HECTD4: variants seen among roughly 807,000 people sequenced by gnomAD.
The protein encoded by HECTD4 is probable E3 ubiquitin-protein ligase HECTD4.
Under a neutral mutation model 471.5 loss-of-function variants are expected in HECTD4, and 114 were observed. The observed-to-expected ratio is 0.24, with a 90% confidence interval of 0.21 to 0.28. The LOEUF (loss-of-function observed/expected upper bound fraction) is 0.28, where lower values mean the gene tolerates loss of function less well. HECTD4 is among the 10% of genes least tolerant of loss of function. The pLI is 1.00. For missense variants in HECTD4, 3,866 were observed against 5,651.5 expected, an observed-to-expected ratio of 0.68 and a Z score of 10.13; for synonymous variants, 2,012 against 2,256.0, an observed-to-expected ratio of 0.89 and a Z score of 3.07.
intron 1 of HECTD4, among the ~76,000 whole-genome samples, chr12:112,370,804 C>A (rs1234026656): frequency 2.0e-5 from 3 of 152,132 alleles, no homozygotes; most frequent in African/African-American, 7.2e-5. Flanking sequence ...TTAATAGATA[C>A]ATAAGCTGTG....
Position 112,258,510 on chromosome 12 carries a change from C to T in HECTD4, c.3114G>A (p.Leu1038=). The T allele has an allele frequency of 1.3e-6, 2 of 1,591,502 alleles. No homozygotes were observed. The highest frequency in any genetic ancestry group is 8.5e-7 in the Non-Finnish European group (1 of 1,171,304). Residue 1038 remains leucine, a synonymous_variant, in exon 20 of 76, where the codon CTG becomes CTA. Transcript: ENST00000682272. The part of the protein sequence containing the change: ...PCGAPDQKCR[L]FPDERMLEEK... ...GCATTCATTACCTCTCATCAGGGAA[C>T]AGCCTGCACTTCTGGTCTGGTGCAC...
Position 112,256,325 on chromosome 12 carries a change from CAT to C in HECTD4, c.3320_3321del (p.Tyr1107Ter). 1 of 1,592,728 alleles carries C rather than the reference CAT, an allele frequency of 6.3e-7. No homozygotes were observed. The highest frequency in any genetic ancestry group is 8.5e-7 in the Non-Finnish European group (1 of 1,171,338). On this transcript the variant is annotated frameshift_variant, in exon 21 of 76. Coordinates refer to ENST00000682272, the MANE Select transcript of HECTD4 (RefSeq NM_001388303.1). LOFTEE classifies it high-confidence loss of function. ...FDSRCSSQYD[Y>X]DKLVIYAGPN... Reference sequence around the variant, plus strand: ...GTAACCCAGTTCTTACTTACTTTGTCATAGTCATATTGCGAAGAGCATCTGCT... The same window carrying C: ...GTAACCCAGTTCTTACTTACTTTGTCAGTCATATTGCGAAGAGCATCTGCT...
chr12:112,374,144 C>T (rs1203339823), intron 1 of HECTD4, among the ~76,000 whole-genome samples: 1 of 151,938 alleles, frequency 6.6e-6, no homozygotes, highest in Non-Finnish European at 1.5e-5. Flanking sequence ...CACAACCAGC[C>T]TGAGCAACAC....
At chr12:112,254,421 C>T (rs1190563835) in intron 21 of HECTD4, among the ~76,000 whole-genome samples, 5 of 152,126 alleles carry the variant, frequency 3.3e-5, no homozygotes, top group African/African-American at 7.2e-5. Flanking sequence ...TATTACCACA[C>T]TTTAATTGGC....
At chr12:112,266,113 A>G (rs1435901570) in intron 14 of HECTD4, 130 bp from the exon 15 acceptor site, 1 of 625,288 alleles carries the variant, frequency 1.6e-6, no homozygotes, top group Non-Finnish European at 2.8e-6. Flanking sequence ...ACTTATACAA[A>G]TAAGAGTGGC....
intron 11 of HECTD4, 88 bp downstream of exon 11, chr12:112,273,567 T>A: frequency 8.1e-7 from 1 of 1,229,438 alleles, no homozygotes; most frequent in Middle Eastern, 2.0e-4. Context: ...ATTCTGGGGT[T>A]GGGCTATGTT....
Position 112,185,045 on chromosome 12 carries a change from G to A in HECTD4, c.9921C>T (p.Ser3307=). The A allele has an allele frequency of 6.3e-7, 1 of 1,594,032 alleles. No homozygotes were observed. Among genetic ancestry groups the A allele is most frequent in the East Asian group, 2.3e-5 (1 of 44,062 alleles). ...SSPGQTPQSP[S]LLSKRKKVKM... is the part of the protein sequence containing the mutation. ...TGACTTTTTTCCTCTTGGAGAGGAG[G>A]CTGGGACTCTGTGGGGTCTGTCCTG... Residue 3307 remains serine, a synonymous_variant, in exon 61 of 76, where the codon AGC becomes AGT. Coordinates refer to ENST00000682272, the MANE Select transcript of HECTD4 (RefSeq NM_001388303.1).
intron 55 of HECTD4, among the ~76,000 whole-genome samples, chr12:112,198,010 A>G (rs908103067): frequency 3.3e-5 from 5 of 151,968 alleles, no homozygotes; most frequent in African/African-American, 1.2e-4. Flanking sequence ...TAATTTTTGT[A>G]TTTTTAGTAG....
chr12:112,211,654 G>A (rs770171263), intron 49 of HECTD4, among the ~76,000 whole-genome samples: 25 of 152,140 alleles, frequency 1.6e-4, no homozygotes, highest in South Asian at 4.1e-4. Flanking sequence ...GGAAGAATGG[G>A]AGAAGGGGTC....
intron 7 of HECTD4, chr12:112,302,032 G>A (rs2035176807): frequency 3.6e-6 from 4 of 1,102,368 alleles, no homozygotes; most frequent in East Asian, 4.7e-5. Context: ...TAGCCAAAGC[G>A]CCTTTGTCTT....
intron 1 of HECTD4, among the ~76,000 whole-genome samples, chr12:112,365,449 AT>A (rs971630625): frequency 3.3e-5 from 5 of 151,914 alleles, no homozygotes; most frequent in Admixed American, 2.6e-4. Flanking sequence ...TTCTTTTAAA[AT>A]TTTTTTTGCA....
Position 112,190,905 on chromosome 12 carries a change from A to G in HECTD4, c.9353T>C (p.Leu3118Pro). 6.4e-7 allele frequency: 1 copy of G among 1,572,606 alleles called. No homozygotes were observed. The highest frequency in any genetic ancestry group is 8.6e-7 in the Non-Finnish European group (1 of 1,159,044). The part of the protein sequence containing the change: ...VLHSLPLEFP[L>P]AMAFAEQLLS... ...CAGCTGCTCTGCGAAGGCCATAGCC[A>G]GTGGGAACTCCAGGGGCAGGGAATG... Residue 3118 changes from leucine (L) to proline (P), a missense_variant, in exon 60 of 76, where the codon CTG becomes CCG. Leu to Pro is a moderately conservative substitution (Grantham distance 98, BLOSUM62 -3). Around this residue, in one of 16 missense-constraint regions of HECTD4, gnomAD observed 364 missense variants for 413.2 expected, o/e 0.88. Coordinates refer to ENST00000682272, the MANE Select transcript of HECTD4 (RefSeq NM_001388303.1).
At chr12:112,314,616 A>G in intron 2 of HECTD4, 70 bp from the exon 3 acceptor site, 1 of 862,812 alleles carries the variant, frequency 1.2e-6, no homozygotes, top group South Asian at 1.4e-5. Flanking sequence ...ATTAATGCTA[A>G]TTTAATTAAC....
intron 1 of HECTD4, among the ~76,000 whole-genome samples, chr12:112,338,579 C>T (rs1000209462): frequency 6.6e-6 from 1 of 152,018 alleles, no homozygotes; most frequent in African/African-American, 2.4e-5. Context: ...AAGATCACAC[C>T]ACTACACTCC....
rs1167699474 is a variant in HECTD4, at chr12:112,254,059, G to A, written c.3431C>T (p.Pro1144Leu). 6.2e-7 allele frequency: 1 copy of A among 1,613,782 alleles called. No individual in the cohort carries two copies. The highest frequency in any genetic ancestry group is 8.5e-7 in the Non-Finnish European group (1 of 1,179,832). The change falls in exon 22 of 76, where the codon CCG (proline) becomes CTG (leucine). Residue 1144 changes from proline (P) to leucine (L), a missense_variant. Physicochemically the swap from Pro to Leu is moderately conservative, Grantham distance 98. Transcript: ENST00000682272. ...GSRSVLGTGW[P>L]KDLVKVEGDT... is the part of the protein sequence containing the mutation. ...ATACCATACCTTCACCAAGTCTTTC[G>A]GCCAACCAGTTCCTAAGACACTACG...
At chr12:112,219,063 TTC>T (rs2033013093) in intron 45 of HECTD4, among the ~76,000 whole-genome samples, 1 of 152,138 alleles carries the variant, frequency 6.6e-6, no homozygotes, top group Non-Finnish European at 1.5e-5. Flanking sequence ...CTCACTTATG[TTC>T]TCTGTTATGA....
In HECTD4 at chr12:112,313,147, C is replaced by A. The variant is rs1391121061; in HGVS notation, c.786G>T (p.Arg262Ser). ...GSLPVADVLY[R>S]LLLLEGGPGS... ...CAGGCCCCCCTTCCAAAAGCAACAG[C>A]CTATATGGGGGAGAAAGAAAATCAC... The change falls in exon 4 of 76, where the codon AGG (arginine) becomes AGT (serine). Residue 262 changes from arginine (R) to serine (S), a missense_variant and splice_region_variant. Physicochemically the swap from Arg to Ser is moderately radical, Grantham distance 110. Coordinates refer to ENST00000682272, the MANE Select transcript of HECTD4 (RefSeq NM_001388303.1). 2.0e-6 allele frequency: 3 copies of A among 1,533,838 alleles called. No individual in the cohort carries two copies. The highest frequency in any genetic ancestry group is 1.7e-6 in the Non-Finnish European group (2 of 1,145,714).
At chr12:112,175,710 A>G (rs1382764631) in intron 66 of HECTD4, 26 bp downstream of exon 66, 4 of 1,607,204 alleles carry the variant, frequency 2.5e-6, no homozygotes, top group South Asian at 1.1e-5. Context: ...CAAGGTGCCA[A>G]CTGAGTCGAG....
chr12:112,343,858 G>A (rs1377467998), intron 1 of HECTD4, among the ~76,000 whole-genome samples: 1 of 152,124 alleles, frequency 6.6e-6, no homozygotes, highest in Non-Finnish European at 1.5e-5. Context: ...AAAAAATAAA[G>A]AGGCTGAGTG....
Sources: allele counts gnomAD v4.1 joint callset (sites outside exome capture counted in the v4.1 genomes callset), GRCh38; gene constraint gnomAD v4.1.1; regional missense constraint gnomAD v4.1.1; transcripts MANE v1.5; gene names NCBI Gene and HGNC (gene_info 2026-07-23, HGNC 2026-07-21).